Variants in PPFIA4 observed in about 807,000 individuals in gnomAD.
PPFIA4 encodes the protein PPFI scaffold protein A4, also known as liprin-alpha-4.
PPFIA4 carries 98 observed loss-of-function variants against 145.7 expected under a neutral mutation model. That is an observed-to-expected ratio of 0.67 (90% CI 0.57 to 0.80). The LOEUF is 0.80. PPFIA4 is among the 30% of genes least tolerant of loss of function. The probability of loss-of-function intolerance (pLI) is 0.00; values close to 1 mark genes in which losing one functional copy is unlikely to be tolerated. For missense variants in PPFIA4, 1,457 were observed against 1,632.7 expected (o/e 0.89, Z 1.85); for synonymous variants, 628 against 649.6 (o/e 0.97, Z 0.51).
Position 203,075,824 on chromosome 1 carries a change from G to A in PPFIA4, c.3574+67G>A. On this transcript the variant is annotated intron_variant, in intron 29 of 29. Transcript: ENST00000295706. This position sits in a 1 kb window ranked among gnomAD's most constrained non-coding sequence, Gnocchi z 4.1. ...GCGCGGGCTTCTTCCTGGCACCCCAGGGCCGGGCCGGGTGGAGAGGGGCGA... is the reference window on the plus strand; with the variant it reads ...GCGCGGGCTTCTTCCTGGCACCCCAAGGCCGGGCCGGGTGGAGAGGGGCGA... 7.5e-7 allele frequency: 1 copy of A among 1,332,144 alleles called. No homozygotes were observed. 82.5% of individuals were successfully genotyped at this position (1,332,144 alleles called of 1,614,324 possible). A position where few individuals can be genotyped will look rare whatever the true frequency, so the allele number is the denominator to read the frequency against.
chr1:203,052,608 C>T (rs1462324598), intron 14 of PPFIA4, among the ~76,000 whole-genome samples: 1 of 152,086 alleles, frequency 6.6e-6, no homozygotes, highest in Non-Finnish European at 1.5e-5. Flanking sequence ...CTTTCTCCCC[C>T]GACTTCTTTG....
In PPFIA4 at chr1:203,044,417, C is replaced by T. The variant is rs1253488677; in HGVS notation, c.540C>T (p.Thr180=). The change falls in exon 5 of 30, where the codon ACC becomes ACT. Residue 180 remains threonine (T), a synonymous_variant. Coordinates refer to ENST00000295706, the MANE Select transcript of PPFIA4 (RefSeq NM_001304331.2). ...TCCGGGCAGCGCTGGAGCGAGTCAC[C>T]ACCTTGGAGGAGCAGCTGGCAGGTG... ...ERLRAALERV[T]TLEEQLAGAH... 2 of 1,552,172 alleles carry T rather than the reference C, an allele frequency of 1.3e-6. No individual in the cohort carries two copies. The highest frequency in any genetic ancestry group is 1.7e-6 in the Non-Finnish European group (2 of 1,147,956).
chr1:203,072,083 A>C (rs1478908084), intron 28 of PPFIA4, among the ~76,000 whole-genome samples: 1 of 152,162 alleles, frequency 6.6e-6, no homozygotes, highest in Non-Finnish European at 1.5e-5. Flanking sequence ...CCCAAAGGCC[A>C]TATCTTTGGG....
chr1:203,064,481 C>G (rs780327363), intron 25 of PPFIA4, among the ~76,000 whole-genome samples: 8 of 152,158 alleles, frequency 5.3e-5, no homozygotes, highest in Non-Finnish European at 8.8e-5. Context: ...GCTCACATCC[C>G]TTTTTATAGG....
intron 1 of PPFIA4, chr1:203,034,569 A>C (rs1659084144): frequency 8.8e-6 from 4 of 456,260 alleles, no homozygotes; most frequent in Non-Finnish European, 1.8e-5. Context: ...GGGGGAACTC[A>C]GGGAAGCTGC....
In PPFIA4 at chr1:203,060,257, G is replaced by A. The variant is rs755588323; in HGVS notation, c.2624G>A (p.Arg875Gln). ...CCTGCCTGGTATGTGGCAGCCTGCCGGGCCAACGTCAAGAGTGGTGCCATC... is the reference window on the plus strand; with the variant it reads ...CCTGCCTGGTATGTGGCAGCCTGCCAGGCCAACGTCAAGAGTGGTGCCATC... ...GMPAWYVAAC[R>Q]ANVKSGAIMS... The change falls in exon 22 of 30, where the codon CGG becomes CAG. Residue 875 changes from arginine to glutamine, a missense_variant. By Grantham distance (43) the Arg-to-Gln change is conservative. Around this residue, in one of 3 missense-constraint regions of PPFIA4, gnomAD observed 848 missense variants for 1,046.7 expected, o/e 0.81. Transcript: ENST00000295706. This position sits in a 1 kb window ranked among gnomAD's most constrained non-coding sequence, Gnocchi z 4.8. The A allele has an allele frequency of 8.1e-6, 13 of 1,613,970 alleles. No homozygotes were observed. Among genetic ancestry groups the A allele is most frequent in the African/African-American group, 2.7e-5 (2 of 74,908 alleles).
At chr1:203,071,025 C>T (rs1429533471) in intron 27 of PPFIA4, among the ~76,000 whole-genome samples, 3 of 151,212 alleles carry the variant, frequency 2.0e-5, no homozygotes, top group East Asian at 1.9e-4. Context: ...GATCATAGCT[C>T]ACTGTAGCCT....
intron 21 of PPFIA4, 148 bp downstream of exon 21, chr1:203,059,999 C>T (rs1434320156): frequency 5.1e-6 from 4 of 787,950 alleles, no homozygotes; most frequent in African/African-American, 1.7e-5. Flanking sequence ...CCCCCTCCCC[C>T]TCCCCAACAC....
chr1:203,063,797 C>A (rs776124237), intron 24 of PPFIA4, 31 bp from the exon 25 acceptor site: 45 of 1,612,488 alleles, frequency 2.8e-5, no homozygotes, highest in Middle Eastern at 3.3e-4. Context: ...CTTCCTCCCC[C>A]ATAATAGCCT....
intron 27 of PPFIA4, among the ~76,000 whole-genome samples, chr1:203,070,075 G>A (rs1364510654): frequency 1.3e-5 from 2 of 151,924 alleles, no homozygotes; most frequent in Non-Finnish European, 2.9e-5. Flanking sequence ...GGAACTCTAC[G>A]CTTAATATTT....
At position 203,044,685 on chromosome 1, in the gene PPFIA4, G is replaced by A; in HGVS notation, c.577-11G>A. The A allele has an allele frequency of 3.2e-6, 5 of 1,548,010 alleles. No individual in the cohort carries two copies. Among genetic ancestry groups the A allele is most frequent in the Non-Finnish European group, 4.4e-6 (5 of 1,146,206 alleles). Reference sequence around the variant, plus strand: ...TCTTTGACTCATTGCCCTGGGGCTTGTGCCCTACAGGTGTCTGCCCTGCAG... The same window carrying A: ...TCTTTGACTCATTGCCCTGGGGCTTATGCCCTACAGGTGTCTGCCCTGCAG... On this transcript the variant is annotated splice_polypyrimidine_tract_variant and intron_variant, in intron 5 of 29. Transcript: ENST00000295706.
chr1:203,056,229 C>T lies in PPFIA4; in HGVS notation c.2106+74C>T, dbSNP rs953780408. ...GCCCTTTCCTTTCAGCTTCCTCCCC[C>T]AGGGCCCTTGAGTCTGAGTCTGAAC... On this transcript the variant is annotated intron_variant, in intron 17 of 29. Coordinates refer to ENST00000295706, the MANE Select transcript of PPFIA4 (RefSeq NM_001304331.2). 1.6e-5 allele frequency: 26 copies of T among 1,608,036 alleles called. No homozygotes were observed. In the Admixed American group the frequency reaches 4.2e-4, roughly 26 times the overall value.
intron 1 of PPFIA4, among the ~76,000 whole-genome samples, chr1:203,030,647 C>T (rs760155617): frequency 2.8e-4 from 43 of 152,206 alleles, no homozygotes; most frequent in Non-Finnish European, 5.6e-4. Context: ...TTCATTCTTT[C>T]AGTATCACCC....
chr1:203,044,894 G>A, intron 6 of PPFIA4, 109 bp downstream of exon 6: 1 of 890,330 alleles, frequency 1.1e-6, no homozygotes, highest in East Asian at 2.6e-5. Context: ...TTAAATTTGA[G>A]GCTTTCTCTG....
At chr1:203,033,852 C>T (rs1003337023) in intron 1 of PPFIA4, among the ~76,000 whole-genome samples, 5 of 152,166 alleles carry the variant, frequency 3.3e-5, no homozygotes, top group East Asian at 3.8e-4. Flanking sequence ...GATGTGGTGG[C>T]GTGCACCTGT....
At chr1:203,034,638 A>C (rs532857592) in intron 1 of PPFIA4, 5 of 456,596 alleles carry the variant, frequency 1.1e-5, no homozygotes, top group Non-Finnish European at 1.8e-5. Context: ...TGCGTGGAGG[A>C]TGGGGCCTTC....
intron 24 of PPFIA4, among the ~76,000 whole-genome samples, chr1:203,062,334 G>C (rs939591272): frequency 6.6e-6 from 1 of 150,788 alleles, no homozygotes; most frequent in Non-Finnish European, 1.5e-5. Flanking sequence ...AAAAAAAATA[G>C]CCAGGCATGG....
intron 2 of PPFIA4, among the ~76,000 whole-genome samples, chr1:203,039,813 C>T (rs1659571975): frequency 6.6e-6 from 1 of 152,230 alleles, no homozygotes; most frequent in African/African-American, 2.4e-5. Context: ...AGGATTCTCT[C>T]ACTAAACTCT....
rs1662664889 is a variant in PPFIA4, at chr1:203,078,148, T to C, written c.*1758T>C. 6.6e-6 allele frequency: 1 copy of C among 152,284 alleles called. No individual in the cohort carries two copies. The highest frequency in any genetic ancestry group is 6.5e-5 in the Admixed American group (1 of 15,286). The allele number at this position is 152,284 out of a possible 1,614,324, so 9.4% of individuals were successfully genotyped here. A position where few individuals can be genotyped will look rare whatever the true frequency, so the allele number is the denominator to read the frequency against. ...GCAAGGCAGCCACCTGCCCTTGCTCTCCCTTAGTGTTCCCTGGCCTCCCTG... is the reference window on the plus strand; with the variant it reads ...GCAAGGCAGCCACCTGCCCTTGCTCCCCCTTAGTGTTCCCTGGCCTCCCTG... On this transcript the variant is annotated 3_prime_UTR_variant, in exon 30 of 30. Coordinates refer to ENST00000295706, the MANE Select transcript of PPFIA4 (RefSeq NM_001304331.2).
Sources: gnomAD v4.1 joint callset for allele counts (sites outside exome capture counted in the v4.1 genomes callset) on GRCh38, gnomAD v4.1.1 for gene constraint, gnomAD v4.1.1 regional missense constraint, Gnocchi (gnomAD v3.1) non-coding constraint, MANE v1.5 for transcripts, NCBI Gene and HGNC (gene_info 2026-07-23, HGNC 2026-07-21) for gene names.